The following ABHD6 variants were observed in gnomAD, a reference collection of about 807,000 sequenced individuals.
ABHD6 encodes abhydrolase domain containing 6, acylglycerol lipase.
ABHD6 carries 33 observed loss-of-function variants against 38.8 expected under a neutral mutation model. The ratio of observed to expected loss-of-function variants is 0.85; its 90% confidence interval spans 0.64 to 1.14. The LOEUF is 1.14. Among genes scored for constraint, ABHD6 ranks in the 50% most tolerant of loss-of-function variants. The pLI, the probability that ABHD6 is intolerant of heterozygous loss-of-function variation, is 0.00. For synonymous variants in ABHD6, 147 were observed against 161.6 expected (o/e 0.91, Z 0.69); for missense variants, 380 against 422.6 (o/e 0.90, Z 0.88).
chr3:58,243,526 G>A (rs552128341), intron 1 of ABHD6, among the ~76,000 whole-genome samples: 11 of 152,028 alleles, frequency 7.2e-5, no homozygotes, highest in Admixed American at 3.3e-4. Context: ...GACAGAGGAC[G>A]TCTTATAGGT....
chr3:58,264,422 C>A (rs1054055524), intron 3 of ABHD6, among the ~76,000 whole-genome samples: 1 of 139,276 alleles, frequency 7.2e-6, no homozygotes, highest in African/African-American at 3.1e-5. Flanking sequence ...CACACACACA[C>A]ACACACACAC....
chr3:58,249,438 G>A (rs917710192), intron 1 of ABHD6, among the ~76,000 whole-genome samples: 1 of 152,162 alleles, frequency 6.6e-6, no homozygotes, highest in Non-Finnish European at 1.5e-5. Context: ...TTGGAGCGGT[G>A]CAGCCCCCCT....
At position 58,259,807 on chromosome 3, in the gene ABHD6, C is replaced by T. The variant is rs1205068629; in HGVS notation, c.119+3102C>T. ...TCTAATTTCAAATATTTCCACCTCC[C>T]CAAAGGAGTCCCCATACCTAGTAGC... is the stretch of plus-strand genomic sequence containing the variant. On this transcript the variant is annotated intron_variant, in intron 3 of 9. Transcript: ENST00000478253. This position sits in a 1 kb window ranked among gnomAD's most constrained non-coding sequence, Gnocchi z 4.7. Among the ~76,000 whole-genome samples, 1 of 152,162 alleles carries T rather than the reference C, an allele frequency of 6.6e-6. No individual in the cohort carries two copies. Among genetic ancestry groups the T allele is most frequent in the African/African-American group, 2.4e-5 (1 of 41,420 alleles).
At chr3:58,255,875 C>A (rs1006275353) in intron 2 of ABHD6, among the ~76,000 whole-genome samples, 2 of 151,186 alleles carry the variant, frequency 1.3e-5, no homozygotes, top group Admixed American at 6.6e-5. Flanking sequence ...GAACTCCTGA[C>A]CTTAAGTGAT....
chr3:58,286,850 G>GCATATATATATATA (rs1553721726), intron 9 of ABHD6, among the ~76,000 whole-genome samples: 4 of 72,826 alleles, frequency 5.5e-5, no homozygotes, highest in African/African-American at 1.4e-4. Flanking sequence ...GTGTGTGTGT[G>GCATATATATATATA]TGTATATATA....
At chr3:58,283,785 A>G (rs1220357363) in intron 7 of ABHD6, among the ~76,000 whole-genome samples, 1 of 152,200 alleles carries the variant, frequency 6.6e-6, no homozygotes, top group Non-Finnish European at 1.5e-5. Flanking sequence ...GGATGGCTGC[A>G]TTGAGCAGAG....
Position 58,266,461 on chromosome 3 carries a change from CA to C in ABHD6, c.120-726del, listed in dbSNP as rs1365167284. ...AAAAAAAAAAACCTGACCAAACAAA[CA>C]ACAAAAAAAAAAACCTTATGTATGC... On this transcript the variant is annotated intron_variant, in intron 3 of 9. Transcript: ENST00000478253. The surrounding 1 kb of genome is among the most constrained non-coding windows in gnomAD (Gnocchi z 4.0). Among the ~76,000 whole-genome samples the C allele has an allele frequency of 8.0e-5, 12 of 149,300 alleles. No homozygotes were observed. The highest frequency in any genetic ancestry group is 1.3e-4 in the Non-Finnish European group (9 of 67,224).
chr3:58,271,766 G>GTTTTTTTTTTTTTTTTTTTTTT (rs3038091), intron 6 of ABHD6, among the ~76,000 whole-genome samples: 4 of 63,632 alleles, frequency 6.3e-5, no homozygotes, highest in African/African-American at 2.1e-4. Context: ...CCCTCTCTCT[G>GTTTTTTTTTTTTTTTTTTTTTT]TTTTTTTTTT....
At chr3:58,255,141 T>G (rs2097432428) in intron 2 of ABHD6, among the ~76,000 whole-genome samples, 1 of 152,208 alleles carries the variant, frequency 6.6e-6, no homozygotes, top group Non-Finnish European at 1.5e-5. Flanking sequence ...TTAGTGTTGG[T>G]GCTGGGGACA....
intron 9 of ABHD6, among the ~76,000 whole-genome samples, chr3:58,288,314 A>G (rs2097458954): frequency 6.6e-6 from 1 of 152,156 alleles, no homozygotes; most frequent in Admixed American, 6.5e-5. Context: ...GCACAGCTGC[A>G]GGGGGAGCCA....
At chr3:58,243,311 T>C (rs2097424119) in intron 1 of ABHD6, among the ~76,000 whole-genome samples, 1 of 152,188 alleles carries the variant, frequency 6.6e-6, no homozygotes, top group African/African-American at 2.4e-5. Context: ...TCTTCCACAA[T>C]GGTTGAACTA....
Position 58,256,076 on chromosome 3 carries a change from AACACAC to A in ABHD6, c.-25-458_-25-453del, listed in dbSNP as rs769155755. ...TATTTCTCTCTCTTTTCCTCCCACC[AACACAC>A]ACACACACACACACACACACACACA... is the stretch of plus-strand genomic sequence containing the variant. On this transcript the variant is annotated intron_variant, in intron 2 of 9. Coordinates refer to ENST00000478253, the MANE Select transcript of ABHD6 (RefSeq NM_001320126.2). The surrounding 1 kb of genome is among the most constrained non-coding windows in gnomAD (Gnocchi z 4.3). Among the ~76,000 whole-genome samples the A allele has an allele frequency of 1.4e-4, 9 of 65,536 alleles. No homozygotes were observed. Among genetic ancestry groups the A allele is most frequent in the Non-Finnish European group, 2.2e-4 (8 of 35,672 alleles). The allele number at this position is 65,536 out of a possible 152,430, so 43.0% of individuals were successfully genotyped here. A position where few individuals can be genotyped will look rare whatever the true frequency, so the allele number is the denominator to read the frequency against.
chr3:58,288,198 C>T (rs2097458833), intron 9 of ABHD6, among the ~76,000 whole-genome samples: 1 of 152,222 alleles, frequency 6.6e-6, no homozygotes. Flanking sequence ...AGCTCGCTGG[C>T]TCTTTTCCTG....
At chr3:58,286,431 C>T (rs943080419) in intron 9 of ABHD6, among the ~76,000 whole-genome samples, 1 of 152,094 alleles carries the variant, frequency 6.6e-6, no homozygotes, top group Non-Finnish European at 1.5e-5. Flanking sequence ...GCTGGGATTA[C>T]AAGCATGAGC....
rs1415791446 is a variant in ABHD6 at position 58,240,846 on chromosome 3, T to C, written c.-91+2930T>C. Among the ~76,000 whole-genome samples the C allele has an allele frequency of 2.0e-5, 3 of 151,446 alleles. No individual in the cohort carries two copies. The Admixed American group carries it at 2.0e-4, about 10-fold the overall frequency. On this transcript the variant is annotated intron_variant, in intron 1 of 9. Transcript: ENST00000478253. ...CCCGGGTTCAAGCAATTCTCCTGCCTCAGCCTCCAGAGTAGCTGGGATTAC... is the reference window on the plus strand; with the variant it reads ...CCCGGGTTCAAGCAATTCTCCTGCCCCAGCCTCCAGAGTAGCTGGGATTAC...
intron 9 of ABHD6, among the ~76,000 whole-genome samples, chr3:58,291,771 G>T (rs953375977): frequency 4.4e-4 from 67 of 152,186 alleles, no homozygotes; most frequent in African/African-American, 1.6e-3. Flanking sequence ...TGTGGTTTCT[G>T]ATATCTCTCC....
rs774699631 is a variant in ABHD6 at position 58,267,274 on chromosome 3, G to A, written c.205G>A (p.Gly69Arg). ...CTGTTATTCCTTCCGGGGCAGGCCT[G>A]GGCACAAACCCTCCATCCTCATGCT... ...QFCYSFRGRP[G>R]HKPSILMLHG... The change falls in exon 4 of 10, where the codon GGG becomes AGG. Residue 69 changes from glycine (G) to arginine (R), a missense_variant. Coordinates refer to ENST00000478253, the MANE Select transcript of ABHD6 (RefSeq NM_001320126.2). This position sits in a 1 kb window ranked among gnomAD's most constrained non-coding sequence, Gnocchi z 4.3. 1 of 1,614,192 alleles carries A rather than the reference G, an allele frequency of 6.2e-7. No individual in the cohort carries two copies. Among genetic ancestry groups the A allele is most frequent in the East Asian group, 2.2e-5 (1 of 44,890 alleles).
chr3:58,254,674 C>A (rs1022562381), intron 2 of ABHD6, among the ~76,000 whole-genome samples: 2 of 152,012 alleles, frequency 1.3e-5, no homozygotes, highest in Admixed American at 6.6e-5. Context: ...TTTGGTGAGT[C>A]CTGCACACTT....
chr3:58,251,315 T>TA lies in ABHD6; in HGVS notation c.-26+1385dup, dbSNP rs11381268. On this transcript the variant is annotated intron_variant, in intron 2 of 9. Transcript: ENST00000478253. This position sits in a 1 kb window ranked among gnomAD's most constrained non-coding sequence, Gnocchi z 5.4. ...CTGGCTGACAGAGCGAGACTCCATCTAAAAAAAAAAAAGAAAGAAAAAAAG... is the reference window on the plus strand; with the variant it reads ...CTGGCTGACAGAGCGAGACTCCATCTAAAAAAAAAAAAAGAAAGAAAAAAAG... 0.55 allele frequency among the ~76,000 whole-genome samples: 78,695 copies of TA among 142,928 alleles called. 23,650 individuals carry two copies. Among genetic ancestry groups the TA allele is most frequent in the African/African-American group, 0.83 (32,311 of 38,792 alleles). 93.8% of individuals were successfully genotyped at this position (142,928 alleles called of 152,430 possible).
Sources: allele counts gnomAD v4.1 joint callset (sites outside exome capture counted in the v4.1 genomes callset), GRCh38; gene constraint gnomAD v4.1.1; non-coding constraint Gnocchi (gnomAD v3.1); transcripts MANE v1.5; gene names NCBI Gene and HGNC (gene_info 2026-07-23, HGNC 2026-07-21).